Variants in PABPC4L observed in about 807,000 individuals in gnomAD.
The protein encoded by PABPC4L is poly(A) binding protein cytoplasmic 4 like, also known as polyadenylate-binding protein 4-like.
For missense variants in PABPC4L, 452 were observed against 451.4 expected (o/e 1.00, Z -0.01); for synonymous variants, 169 against 164.1 (o/e 1.03, Z -0.23).
the PABPC4L span, among the ~76,000 whole-genome samples, chr4:133,969,236 C>T: frequency 6.6e-6 from 1 of 152,272 alleles, no homozygotes; most frequent in Non-Finnish European, 1.5e-5. Flanking sequence ...CAAGAGATTG[C>T]TTTAATCAAT....
At chr4:134,114,850 T>A in the PABPC4L span, among the ~76,000 whole-genome samples, 2 of 151,970 alleles carry the variant, frequency 1.3e-5, no homozygotes, top group Non-Finnish European at 2.9e-5. Flanking sequence ...AAATGAATTA[T>A]CATCTCTGCC....
At chr4:133,949,869 A>G in the PABPC4L span, among the ~76,000 whole-genome samples, 1 of 152,290 alleles carries the variant, frequency 6.6e-6, no homozygotes, top group African/African-American at 2.4e-5. Context: ...TTTAGTTTCC[A>G]TAGTAGGAAG....
At chr4:134,046,431 TAGAA>T in the PABPC4L span, among the ~76,000 whole-genome samples, 1 of 152,086 alleles carries the variant, frequency 6.6e-6, no homozygotes, top group African/African-American at 2.4e-5. Flanking sequence ...TATCTCAGAA[TAGAA>T]GGAATGTACC....
At chr4:134,107,664 A>G in the PABPC4L span, among the ~76,000 whole-genome samples, 1 of 151,748 alleles carries the variant, frequency 6.6e-6, no homozygotes, top group Non-Finnish European at 1.5e-5. Flanking sequence ...TAGAAACAGA[A>G]CATTTAATTA....
chr4:133,978,298 A>G, the PABPC4L span, among the ~76,000 whole-genome samples: 1 of 152,262 alleles, frequency 6.6e-6, no homozygotes, highest in East Asian at 1.9e-4. Flanking sequence ...TGGGTAGTAG[A>G]AAAGAGAGAT....
the PABPC4L span, among the ~76,000 whole-genome samples, chr4:134,079,909 TA>T: frequency 5.9e-5 from 9 of 152,148 alleles, no homozygotes; most frequent in East Asian, 1.7e-3. Flanking sequence ...CTATATAGTT[TA>T]AAAAAATTTT....
At chr4:134,114,675 G>C in the PABPC4L span, among the ~76,000 whole-genome samples, 1 of 151,734 alleles carries the variant, frequency 6.6e-6, no homozygotes, top group Non-Finnish European at 1.5e-5. Flanking sequence ...AAGTCTATTC[G>C]TTGGGTTTGG....
the PABPC4L span, among the ~76,000 whole-genome samples, chr4:134,027,562 C>G: frequency 6.6e-6 from 1 of 152,134 alleles, no homozygotes; most frequent in Non-Finnish European, 1.5e-5. Flanking sequence ...ATCTCTTCGA[C>G]AAACTGATTT....
At chr4:134,011,439 C>T in the PABPC4L span, among the ~76,000 whole-genome samples, 836 of 152,066 alleles carry the variant, frequency 5.5e-3, 10 homozygotes, top group African/African-American at 0.019. Context: ...ATATCAATTG[C>T]TTTGGAACTT....
chr4:134,024,429 C>A, the PABPC4L span, among the ~76,000 whole-genome samples: 3 of 152,056 alleles, frequency 2.0e-5, no homozygotes, highest in Non-Finnish European at 4.4e-5. Flanking sequence ...ATTTTTGGTG[C>A]GGCTACTCTT....
the PABPC4L span, among the ~76,000 whole-genome samples, chr4:133,970,395 A>G: frequency 6.6e-6 from 1 of 152,058 alleles, no homozygotes; most frequent in Non-Finnish European, 1.5e-5. Context: ...CCACAATTAT[A>G]TCTTAAAATA....
chr4:134,196,488 G>T lies in PABPC4L; in HGVS notation c.*3419C>A, dbSNP rs938717256. On this transcript the variant is annotated 3_prime_UTR_variant, in exon 2 of 2. Transcript: ENST00000421491. ...AAATTTAAAAGATAAAATGTTAAAAGAATACATTTATTGAAATGGCTGTAC... is the reference window on the plus strand; with the variant it reads ...AAATTTAAAAGATAAAATGTTAAAATAATACATTTATTGAAATGGCTGTAC... The T allele has an allele frequency of 4.0e-5, 6 of 151,514 alleles. No individual in the cohort carries two copies. The highest frequency in any genetic ancestry group is 1.5e-4 in the African/African-American group (6 of 41,346). 9.4% of individuals were successfully genotyped at this position (151,514 alleles called of 1,614,324 possible).
the PABPC4L span, among the ~76,000 whole-genome samples, chr4:134,185,732 G>T: frequency 6.6e-6 from 1 of 152,168 alleles, no homozygotes; most frequent in African/African-American, 2.4e-5. Context: ...GTTAGGAAAA[G>T]AGGAAGTCAA....
chr4:134,156,932 A>C, the PABPC4L span, among the ~76,000 whole-genome samples: 1 of 151,980 alleles, frequency 6.6e-6, no homozygotes, highest in Non-Finnish European at 1.5e-5. Context: ...TTTAGGTGAC[A>C]ATTCCCTCAA....
chr4:134,149,569 A>C, the PABPC4L span, among the ~76,000 whole-genome samples: 1 of 152,164 alleles, frequency 6.6e-6, no homozygotes, highest in African/African-American at 2.4e-5. Flanking sequence ...AATTGTTCCC[A>C]GGTCCTTGAA....
chr4:134,065,484 T>C, the PABPC4L span, among the ~76,000 whole-genome samples: 1 of 152,122 alleles, frequency 6.6e-6, no homozygotes, highest in Non-Finnish European at 1.5e-5. Flanking sequence ...TTGTAGACCT[T>C]TGTCTAGTAT....
chr4:134,038,861 C>T, the PABPC4L span, among the ~76,000 whole-genome samples: 2 of 152,090 alleles, frequency 1.3e-5, no homozygotes, highest in African/African-American at 2.4e-5. Context: ...TTGTCTTCTG[C>T]TAGCTTTTGA....
the PABPC4L span, among the ~76,000 whole-genome samples, chr4:134,179,234 G>A: frequency 6.6e-6 from 1 of 151,912 alleles, no homozygotes; most frequent in Non-Finnish European, 1.5e-5. Context: ...ATAAAACTGG[G>A]GGCCAATATT....
chr4:134,111,292 C>A, the PABPC4L span, among the ~76,000 whole-genome samples: 1 of 151,942 alleles, frequency 6.6e-6, no homozygotes, highest in African/African-American at 2.4e-5. Flanking sequence ...TTTCCCAAAG[C>A]TACAGTTCCC....
Sources: allele counts gnomAD v4.1 joint callset (sites outside exome capture counted in the v4.1 genomes callset), GRCh38; gene constraint gnomAD v4.1.1; transcripts MANE v1.5; gene names NCBI Gene and HGNC (gene_info 2026-07-23, HGNC 2026-07-21).